KAZN: variants seen among roughly 807,000 people sequenced by gnomAD.
The protein encoded by KAZN is kazrin.
KAZN carries 40 observed loss-of-function variants against 87.4 expected under a neutral mutation model. That is an observed-to-expected ratio of 0.46 (90% CI 0.36 to 0.60). KAZN has a LOEUF of 0.60. Among genes scored for constraint, KAZN ranks in the 20% least tolerant of loss-of-function variants. The pLI is 0.00. For synonymous variants in KAZN, 466 were observed against 458.3 expected (o/e 1.02, Z -0.22); for missense variants, 898 against 1,073.9 (o/e 0.84, Z 2.29).
At chr1:15,069,123 A>G (rs1288149474) in intron 8 of KAZN, among the ~76,000 whole-genome samples, 2 of 151,948 alleles carry the variant, frequency 1.3e-5, no homozygotes, top group East Asian at 3.9e-4. Context: ...GATTAGAACC[A>G]CTGAGCTGAT....
At chr1:14,523,453 G>A (rs1178854917) in intron 2 of KAZN, among the ~76,000 whole-genome samples, 1 of 152,168 alleles carries the variant, frequency 6.6e-6, no homozygotes, top group African/African-American at 2.4e-5. Context: ...CCAGAGACAT[G>A]GAAAGGGCGG....
intron 2 of KAZN, among the ~76,000 whole-genome samples, chr1:14,563,906 G>C (rs903493035): frequency 1.2e-4 from 5 of 41,738 alleles, no homozygotes; most frequent in African/African-American, 1.5e-4. Flanking sequence ...ACAGAGTCTT[G>C]CTCAGCCACC....
chr1:14,332,673 C>A (rs1240591768), intron 2 of KAZN, among the ~76,000 whole-genome samples: 1 of 152,144 alleles, frequency 6.6e-6, no homozygotes, highest in Non-Finnish European at 1.5e-5. Flanking sequence ...TGAGCTCCTG[C>A]ACTAGACTTG....
chr1:14,049,129 G>T (rs1485231871), intron 1 of KAZN, among the ~76,000 whole-genome samples: 1 of 152,122 alleles, frequency 6.6e-6, no homozygotes, highest in East Asian at 1.9e-4. Flanking sequence ...GGAATACTAT[G>T]CAGCCATAAA....
At chr1:14,039,181 A>G (rs1263021048) in intron 1 of KAZN, among the ~76,000 whole-genome samples, 1 of 152,062 alleles carries the variant, frequency 6.6e-6, no homozygotes, top group African/African-American at 2.4e-5. Context: ...AAAAAAAAAA[A>G]AAAAAAAGTA....
At chr1:14,920,280 T>G (rs1658353131) in intron 1 of KAZN, among the ~76,000 whole-genome samples, 1 of 144,924 alleles carries the variant, frequency 6.9e-6, no homozygotes, top group African/African-American at 2.5e-5. Flanking sequence ...TTTTCTGTTT[T>G]TTTTTTTTTT....
At chr1:14,291,917 C>T (rs1653729554) in intron 2 of KAZN, among the ~76,000 whole-genome samples, 1 of 152,144 alleles carries the variant, frequency 6.6e-6, no homozygotes, top group South Asian at 2.1e-4. Flanking sequence ...GTTGCTTCTC[C>T]TTCTACCATG....
At chr1:13,978,959 G>A (rs4662065) in intron 1 of KAZN, among the ~76,000 whole-genome samples, 60,647 of 151,810 alleles carry the variant, frequency 0.4, 12,705 homozygotes, top group Admixed American at 0.56. Context: ...TGCCAAGCAT[G>A]GTGGCACATG....
At chr1:15,111,107 G>A (rs1265088222) in intron 13 of KAZN, among the ~76,000 whole-genome samples, 1 of 152,186 alleles carries the variant, frequency 6.6e-6, no homozygotes. Context: ...TTATGTGGAA[G>A]CCTGTGGAAC....
chr1:14,960,677 C>T lies in KAZN; in HGVS notation c.227-7C>T, dbSNP rs765382327. ...CTGTCCTCTAACCCTGTGCCCTTCT[C>T]CCCTAGTGCTCCTGCGGGAAGAAGT... On this transcript the variant is annotated splice_polypyrimidine_tract_variant and splice_region_variant and intron_variant, in intron 1 of 14. Transcript: ENST00000376030. 1.9e-5 allele frequency: 30 copies of T among 1,559,282 alleles called. No individual in the cohort carries two copies. In the African/African-American group the frequency reaches 3.7e-4, roughly 19 times the overall value.
rs1169158624 is a variant in KAZN at position 15,056,100 on chromosome 1, T to A, written c.736T>A (p.Ser246Thr). The change falls in exon 5 of 15, where the codon TCC (serine) becomes ACC (threonine). Residue 246 changes from serine to threonine, a missense_variant. Ser to Thr is a moderately conservative substitution (Grantham distance 58). Transcript: ENST00000376030. The surrounding 1 kb of genome is among the most constrained non-coding windows in gnomAD (Gnocchi z 5.4). ...TTCTTGCTCTCTCCAGGCCAAACAGTCCTTAGCTACGCTGACCAAGGACGT... is the reference window on the plus strand; with the variant it reads ...TTCTTGCTCTCTCCAGGCCAAACAGACCTTAGCTACGCTGACCAAGGACGT... Reference protein sequence around the residue: ...LEAELAMAKQSLATLTKDVPK... With the variant: ...LEAELAMAKQTLATLTKDVPK... 2 of 1,610,144 alleles carry A rather than the reference T, an allele frequency of 1.2e-6. No homozygotes were observed. Among genetic ancestry groups the A allele is most frequent in the Non-Finnish European group, 1.7e-6 (2 of 1,176,940 alleles).
intron 1 of KAZN, among the ~76,000 whole-genome samples, chr1:14,948,743 G>A (rs1662124282): frequency 6.6e-6 from 1 of 152,158 alleles, no homozygotes; most frequent in African/African-American, 2.4e-5. Context: ...CAGCTTGATG[G>A]CTGTGCTAGG....
intron 2 of KAZN, among the ~76,000 whole-genome samples, chr1:15,031,313 C>T (rs995564478): frequency 3.9e-5 from 6 of 152,216 alleles, no homozygotes; most frequent in Admixed American, 6.5e-5. Flanking sequence ...CTAACCCCCA[C>T]CACCACCTCC....
At chr1:14,437,257 A>G (rs1666448497) in intron 2 of KAZN, among the ~76,000 whole-genome samples, 1 of 152,084 alleles carries the variant, frequency 6.6e-6, no homozygotes, top group South Asian at 2.1e-4. Context: ...CCCACATCCC[A>G]CAGCTGGGGG....
intron 2 of KAZN, among the ~76,000 whole-genome samples, chr1:15,034,253 A>G (rs1452235589): frequency 6.6e-6 from 1 of 152,080 alleles, no homozygotes; most frequent in Non-Finnish European, 1.5e-5. Flanking sequence ...GTTGCTCTAC[A>G]CTTTTGGTAT....
chr1:14,508,970 C>T (rs1314709350), intron 2 of KAZN, among the ~76,000 whole-genome samples: 2 of 152,228 alleles, frequency 1.3e-5, no homozygotes, highest in African/African-American at 4.8e-5. Context: ...GACCACAGCA[C>T]TGTGCAAACA....
At chr1:14,584,681 G>A (rs1675746565) in intron 2 of KAZN, among the ~76,000 whole-genome samples, 1 of 150,548 alleles carries the variant, frequency 6.6e-6, no homozygotes, top group Non-Finnish European at 1.5e-5. Context: ...TTTTGCTCTT[G>A]TTGCCCAGGC....
At chr1:14,034,644 C>T (rs1207342142) in intron 1 of KAZN, among the ~76,000 whole-genome samples, 1 of 152,146 alleles carries the variant, frequency 6.6e-6, no homozygotes, top group Non-Finnish European at 1.5e-5. Context: ...TTTATGATCT[C>T]CCCCACTAGA....
At chr1:14,418,489 G>C (rs969341200) in intron 2 of KAZN, among the ~76,000 whole-genome samples, 4 of 152,178 alleles carry the variant, frequency 2.6e-5, no homozygotes, top group Admixed American at 1.3e-4. Context: ...TATGTTGTAA[G>C]TTTTCGGGTG....
Sources: allele counts gnomAD v4.1 joint callset (sites outside exome capture counted in the v4.1 genomes callset), GRCh38; gene constraint gnomAD v4.1.1; non-coding constraint Gnocchi (gnomAD v3.1); transcripts MANE v1.5; gene names NCBI Gene and HGNC (gene_info 2026-07-23, HGNC 2026-07-21).